Variants in CNTLN observed in about 807,000 individuals in gnomAD.
CNTLN encodes the protein centlein.
In CNTLN, 212 loss-of-function variants were observed where a neutral mutation model predicts 180.0. That is an observed-to-expected ratio of 1.18 (90% confidence interval 1.05 to 1.32). The LOEUF is 1.32. CNTLN is among the 40% of genes most tolerant of loss of function. The probability of loss-of-function intolerance (pLI) is 0.00; values close to 1 mark genes in which losing one functional copy is unlikely to be tolerated. For synonymous variants in CNTLN, 722 were observed against 563.1 expected (o/e 1.28, Z -3.99); for missense variants, 2,095 against 1,610.9 (o/e 1.30, Z -5.14).
chr9:17,405,289 A>C (rs1430774960), intron 15 of CNTLN, among the ~76,000 whole-genome samples: 2 of 151,744 alleles, frequency 1.3e-5, no homozygotes, highest in Non-Finnish European at 2.9e-5. Context: ...CATTGTCTTC[A>C]GTCAGTGGAC....
chr9:17,299,644 G>C, intron 7 of CNTLN: 3 of 985,366 alleles, frequency 3.0e-6, no homozygotes, highest in Non-Finnish European at 3.6e-6. Context: ...TTCAGCTAGA[G>C]CAGTGCTGCC....
intron 23 of CNTLN, among the ~76,000 whole-genome samples, chr9:17,474,165 C>T (rs1215672874): frequency 6.6e-6 from 1 of 152,160 alleles, no homozygotes; most frequent in African/African-American, 2.4e-5. Context: ...TATATCTGTT[C>T]TCATCCTGTC....
At chr9:17,509,082 T>G in the CNTLN span, among the ~76,000 whole-genome samples, 2 of 152,204 alleles carry the variant, frequency 1.3e-5, no homozygotes, top group Admixed American at 6.5e-5. Context: ...CACCCCTGTC[T>G]TTGCCCAGTG....
intron 12 of CNTLN, among the ~76,000 whole-genome samples, chr9:17,361,987 C>CT (rs1434194907): frequency 6.6e-6 from 1 of 152,216 alleles, no homozygotes. Context: ...GGCTCTGCCT[C>CT]TGTCAGCTCC....
rs113313086 is a variant in CNTLN, at chr9:17,247,424, T to G, written c.849+10836T>G. ...ATGACAGAGTAGCACTGAGTTGTAG[T>G]GCAAAGTTCCACAGTCCCTGTGCTC... On this transcript the variant is annotated intron_variant, in intron 5 of 25. Transcript: ENST00000380647. Among the ~76,000 whole-genome samples the G allele has an allele frequency of 4.8e-3, 733 of 152,276 alleles. 3 individuals are homozygous for G. Among genetic ancestry groups the G allele is most frequent in the African/African-American group, 0.017 (686 of 41,566 alleles).
At chr9:17,326,833 C>G (rs1820326243) in intron 8 of CNTLN, among the ~76,000 whole-genome samples, 1 of 152,036 alleles carries the variant, frequency 6.6e-6, no homozygotes, top group African/African-American at 2.4e-5. Flanking sequence ...CTACAGAAAA[C>G]TGTCAAGGTC....
intron 5 of CNTLN, among the ~76,000 whole-genome samples, chr9:17,265,413 C>G (rs899235400): frequency 3.3e-5 from 5 of 152,204 alleles, no homozygotes; most frequent in East Asian, 3.9e-4. Flanking sequence ...GGTGGATAAG[C>G]TTTTTGATGT....
chr9:17,297,420 G>A (rs534504952), intron 6 of CNTLN, among the ~76,000 whole-genome samples: 7 of 151,844 alleles, frequency 4.6e-5, no homozygotes, highest in African/African-American at 1.5e-4. Flanking sequence ...AATATTTCTC[G>A]GTTCAAATTA....
At chr9:17,458,505 G>C (rs1051392550) in intron 19 of CNTLN, among the ~76,000 whole-genome samples, 7 of 151,876 alleles carry the variant, frequency 4.6e-5, no homozygotes, top group Non-Finnish European at 1.0e-4. Context: ...TAAATGCACA[G>C]AGTACATTAG....
chr9:17,356,401 C>G (rs1822853804), intron 12 of CNTLN, among the ~76,000 whole-genome samples: 1 of 152,102 alleles, frequency 6.6e-6, no homozygotes. Context: ...TAATTATTTG[C>G]TAAGTTAGAG....
At chr9:17,329,013 A>G (rs1820476813) in intron 8 of CNTLN, among the ~76,000 whole-genome samples, 1 of 152,054 alleles carries the variant, frequency 6.6e-6, no homozygotes, top group Non-Finnish European at 1.5e-5. Context: ...TTGACTGAAT[A>G]TTAATTTTAT....
chr9:17,152,122 C>G (rs1011434469), intron 2 of CNTLN, among the ~76,000 whole-genome samples: 3 of 152,140 alleles, frequency 2.0e-5, no homozygotes, highest in Non-Finnish European at 2.9e-5. Context: ...CTCCTGCATT[C>G]ACTGAGTTTT....
At chr9:17,265,768 A>T (rs1193649710) in intron 5 of CNTLN, among the ~76,000 whole-genome samples, 1 of 152,072 alleles carries the variant, frequency 6.6e-6, no homozygotes, top group Non-Finnish European at 1.5e-5. Context: ...TAGTCTTGGG[A>T]GAGTGTATGT....
chr9:17,469,865 G>A (rs77058585), intron 23 of CNTLN, among the ~76,000 whole-genome samples: 4,383 of 151,946 alleles, frequency 0.029, 201 homozygotes, highest in African/African-American at 0.1. Context: ...CTTCAGGATC[G>A]TGACTGATTC....
the CNTLN span, among the ~76,000 whole-genome samples, chr9:17,521,854 T>C: frequency 0.021 from 3,203 of 152,342 alleles, 83 homozygotes; most frequent in Middle Eastern, 0.037. Context: ...CCTTCAGAGT[T>C]GCTCTAAAAA....
intron 2 of CNTLN, among the ~76,000 whole-genome samples, chr9:17,211,826 G>A (rs1207084048): frequency 6.6e-6 from 1 of 152,118 alleles, no homozygotes; most frequent in Non-Finnish European, 1.5e-5. Context: ...AATTGTGAAT[G>A]GGAGTTCACT....
rs146061190 is a variant in CNTLN at position 17,149,482 on chromosome 9, G to A, written c.449+6106G>A. Among the ~76,000 whole-genome samples, 602 of 132,918 alleles carry A rather than the reference G, an allele frequency of 4.5e-3. 18 individuals are homozygous for A. The East Asian group carries it at 0.078, about 17-fold the overall frequency. 87.2% of individuals were successfully genotyped at this position (132,918 alleles called of 152,430 possible). ...CTCCAGATTCTCTCCAGCATCTGTTGTTTCCTGACTTTTTTTATTTTCTTT... is the reference window on the plus strand; with the variant it reads ...CTCCAGATTCTCTCCAGCATCTGTTATTTCCTGACTTTTTTTATTTTCTTT... On this transcript the variant is annotated intron_variant, in intron 2 of 25. Coordinates refer to ENST00000380647, the MANE Select transcript of CNTLN (RefSeq NM_017738.4).
chr9:17,211,353 A>T (rs933509334), intron 2 of CNTLN, among the ~76,000 whole-genome samples: 4 of 152,126 alleles, frequency 2.6e-5, no homozygotes, highest in African/African-American at 9.7e-5. Context: ...TTTGTCAAAG[A>T]TCAGTTGGTT....
At chr9:17,519,061 T>C in the CNTLN span, among the ~76,000 whole-genome samples, 2 of 140,930 alleles carry the variant, frequency 1.4e-5, no homozygotes, top group Non-Finnish European at 3.0e-5. Context: ...TAGCTGGGAC[T>C]ACAGGTGTGT....
Sources: allele counts gnomAD v4.1 joint callset (sites outside exome capture counted in the v4.1 genomes callset), GRCh38; gene constraint gnomAD v4.1.1; transcripts MANE v1.5; gene names NCBI Gene and HGNC (gene_info 2026-07-23, HGNC 2026-07-21).